PIK3C3: variants seen among roughly 807,000 people sequenced by gnomAD.
PIK3C3 encodes the protein phosphatidylinositol 3-kinase catalytic subunit type 3.
A neutral mutation model predicts 126.1 loss-of-function variants in PIK3C3; 95 were observed. The observed-to-expected ratio is 0.75, with a 90% confidence interval of 0.64 to 0.89. PIK3C3 has a LOEUF of 0.89. PIK3C3 is among the 40% of genes least tolerant of loss of function. The probability of loss-of-function intolerance (pLI) is 0.00; values close to 1 mark genes in which losing one functional copy is unlikely to be tolerated. For missense variants in PIK3C3, 829 were observed against 1,063.2 expected (o/e 0.78, Z 3.06); for synonymous variants, 374 against 360.0 (o/e 1.04, Z -0.44).
intron 22 of PIK3C3, among the ~76,000 whole-genome samples, chr18:42,062,928 T>A (rs976435731): frequency 6.6e-6 from 1 of 152,140 alleles, no homozygotes; most frequent in Non-Finnish European, 1.5e-5. Context: ...ATTGAAACCA[T>A]CAGCAAGGAT....
chr18:41,971,518 A>T (rs533672134), intron 4 of PIK3C3: 1 of 152,212 alleles, frequency 6.6e-6, no homozygotes, highest in South Asian at 2.1e-4. Context: ...ATTAAATAAA[A>T]TTTAATATTC....
At chr18:42,077,052 A>T (rs1380019360) in intron 24 of PIK3C3, among the ~76,000 whole-genome samples, 1 of 152,254 alleles carries the variant, frequency 6.6e-6, no homozygotes, top group African/African-American at 2.4e-5. Flanking sequence ...AGTCCAGACC[A>T]CTGCAATAAA....
At chr18:42,030,816 TG>T (rs1474241539) in intron 15 of PIK3C3, among the ~76,000 whole-genome samples, 2 of 152,166 alleles carry the variant, frequency 1.3e-5, no homozygotes, top group Non-Finnish European at 2.9e-5. Context: ...ACCTGCAGTT[TG>T]GGGCTTATAT....
chr18:42,026,470 C>G (rs79359610), intron 13 of PIK3C3: 9 of 148,618 alleles, frequency 6.1e-5, no homozygotes, highest in Admixed American at 2.0e-4. Context: ...TTTTTTTTTT[C>G]TCTTTGAGAG....
At position 42,043,450 on chromosome 18, in the gene PIK3C3, TTTTG is replaced by T. The variant is rs550184863; in HGVS notation, c.2104-267_2104-264del. Among the ~76,000 whole-genome samples, 194 of 152,100 alleles carry T rather than the reference TTTTG, an allele frequency of 1.3e-3. 1 individual carries two copies. The highest frequency in any genetic ancestry group is 1.8e-3 in the Non-Finnish European group (124 of 67,998). On this transcript the variant is annotated intron_variant, in intron 19 of 24. Transcript: ENST00000262039. ...TATTTTCAGATAATATGCTCTGTGG[TTTTG>T]TTTGTTTGTTTGTTTTTTGTTTTGC...
chr18:42,026,283 C>A (rs965589914), intron 13 of PIK3C3: 10 of 152,174 alleles, frequency 6.6e-5, no homozygotes, highest in Non-Finnish European at 1.3e-4. Context: ...AACTACACAT[C>A]ATCATGATCC....
chr18:42,059,480 G>C (rs1357085417), intron 22 of PIK3C3, among the ~76,000 whole-genome samples: 1 of 152,200 alleles, frequency 6.6e-6, no homozygotes, highest in African/African-American at 2.4e-5. Flanking sequence ...TGGCGGACAA[G>C]ATGGTAAGGA....
At chr18:42,024,093 C>T (rs1983446029) in intron 13 of PIK3C3, among the ~76,000 whole-genome samples, 1 of 152,114 alleles carries the variant, frequency 6.6e-6, no homozygotes, top group Non-Finnish European at 1.5e-5. Context: ...TAAACTTTGG[C>T]TGCTTTGACA....
intron 10 of PIK3C3, among the ~76,000 whole-genome samples, chr18:42,005,535 G>C (rs907062628): frequency 2.0e-5 from 3 of 152,044 alleles, no homozygotes; most frequent in Non-Finnish European, 4.4e-5. Flanking sequence ...CCAGCAACTT[G>C]TTTTCTTAAT....
intron 4 of PIK3C3, among the ~76,000 whole-genome samples, chr18:41,983,292 C>A (rs1202826185): frequency 2.0e-5 from 3 of 151,664 alleles, no homozygotes; most frequent in Non-Finnish European, 4.4e-5. Context: ...TAATAGCCAG[C>A]AAGTTACATA....
chr18:42,027,804 G>T (rs780202554), intron 14 of PIK3C3, among the ~76,000 whole-genome samples: 1 of 151,956 alleles, frequency 6.6e-6, no homozygotes, highest in Non-Finnish European at 1.5e-5. Context: ...AAAGGCGCCC[G>T]CTACCATGCC....
intron 9 of PIK3C3, among the ~76,000 whole-genome samples, chr18:41,997,077 AG>A (rs1157842760): frequency 1.3e-5 from 2 of 152,240 alleles, no homozygotes; most frequent in South Asian, 2.1e-4. Flanking sequence ...TTCACAAGTA[AG>A]ATAATACAGG....
chr18:41,959,101 C>G (rs563118948), intron 2 of PIK3C3, among the ~76,000 whole-genome samples: 1 of 152,110 alleles, frequency 6.6e-6, no homozygotes, highest in Non-Finnish European at 1.5e-5. Flanking sequence ...GTTTTGTGTA[C>G]TTTTTCAGGG....
chr18:42,031,573 C>T (rs773085102), intron 15 of PIK3C3, among the ~76,000 whole-genome samples: 1 of 152,076 alleles, frequency 6.6e-6, no homozygotes, highest in South Asian at 2.1e-4. Flanking sequence ...TGCAGGCGTG[C>T]ACCACCACGC....
intron 24 of PIK3C3, among the ~76,000 whole-genome samples, chr18:42,070,806 C>T (rs1286278376): frequency 6.6e-6 from 1 of 152,138 alleles, no homozygotes; most frequent in East Asian, 1.9e-4. Context: ...TTGCTGAGAG[C>T]TCTTTGAGTT....
chr18:42,007,513 G>T (rs917449841), intron 10 of PIK3C3, among the ~76,000 whole-genome samples: 2 of 151,738 alleles, frequency 1.3e-5, no homozygotes, highest in Non-Finnish European at 2.9e-5. Context: ...CCATCACAGT[G>T]GCATATGATT....
chr18:41,973,065 A>G (rs1386542502), intron 4 of PIK3C3, among the ~76,000 whole-genome samples: 1 of 152,078 alleles, frequency 6.6e-6, no homozygotes, highest in East Asian at 1.9e-4. Context: ...TTATGGTCTC[A>G]TGTAGCTCTT....
Position 42,029,389 on chromosome 18 carries a change from TG to T in PIK3C3, c.1657del (p.Val553CysfsTer3). On this transcript the variant is annotated frameshift_variant, in exon 15 of 25. Coordinates refer to ENST00000262039, the MANE Select transcript of PIK3C3 (RefSeq NM_002647.4). LOFTEE classifies it high-confidence loss of function. ...GCACAACAGACATTTGTAGATCGGT[TG>T]GTGCATCTAATGAAGGCAGTACAAC... ...LAAQQTFVDR[L>X]VHLMKAVQRE... The T allele has an allele frequency of 1.2e-6, 2 of 1,613,826 alleles. No homozygotes were observed. Among genetic ancestry groups the T allele is most frequent in the Non-Finnish European group, 1.7e-6 (2 of 1,179,816 alleles).
intron 19 of PIK3C3, among the ~76,000 whole-genome samples, chr18:42,041,042 C>T (rs1984292803): frequency 6.6e-6 from 1 of 152,128 alleles, no homozygotes; most frequent in African/African-American, 2.4e-5. Flanking sequence ...ATCAGCCGGG[C>T]ATGGTGGCAT....
Sources: gnomAD v4.1 joint callset for allele counts (sites outside exome capture counted in the v4.1 genomes callset) on GRCh38, gnomAD v4.1.1 for gene constraint, MANE v1.5 for transcripts, NCBI Gene and HGNC (gene_info 2026-07-23, HGNC 2026-07-21) for gene names.